SNTG2: variants seen among roughly 807,000 people sequenced by gnomAD.
SNTG2 encodes the protein gamma-2-syntrophin.
Under a neutral mutation model 70.9 loss-of-function variants are expected in SNTG2, and 74 were observed. The ratio of observed to expected loss-of-function variants is 1.04; its 90% CI spans 0.86 to 1.27. The LOEUF is 1.27. SNTG2 is among the 50% of genes most tolerant of loss of function. The probability of loss-of-function intolerance (pLI) is 0.00; values close to 1 mark genes in which losing one functional copy is unlikely to be tolerated. For synonymous variants in SNTG2, 278 were observed against 273.8 expected, an observed-to-expected ratio of 1.02 and a Z score of -0.15; for missense variants, 717 against 690.7, an observed-to-expected ratio of 1.04 and a Z score of -0.43.
intron 2 of SNTG2, among the ~76,000 whole-genome samples, chr2:1,096,947 C>T (rs1665429896): frequency 6.6e-6 from 1 of 152,086 alleles, no homozygotes; most frequent in Non-Finnish European, 1.5e-5. Flanking sequence ...CAGTCTAACA[C>T]CAAGAAAAAG....
chr2:1,144,963 C>T (rs968589486), intron 6 of SNTG2, among the ~76,000 whole-genome samples: 1 of 152,130 alleles, frequency 6.6e-6, no homozygotes, highest in African/African-American at 2.4e-5. Context: ...AAACAGTACG[C>T]TTCTAAATAA....
At chr2:1,103,261 A>T (rs1665899101) in intron 4 of SNTG2, 2 of 218,442 alleles carry the variant, frequency 9.2e-6, no homozygotes, top group Non-Finnish European at 1.9e-5. Context: ...TTTAATGGGA[A>T]ATTTGTTAAT....
rs1192794057 is a variant in SNTG2 at position 1,106,386 on chromosome 2, G to A, written c.325+7976G>A. ...GGAGAGCTCCTTGGTAATAGTGGAT[G>A]CGTGCTGTCACTCGGGTGCAGGGTG... is the stretch of plus-strand genomic sequence containing the variant. On this transcript the variant is annotated intron_variant, in intron 4 of 16. Transcript: ENST00000308624. Among the ~76,000 whole-genome samples, 12 of 113,714 alleles carry A rather than the reference G, an allele frequency of 1.1e-4. 1 individual carries two copies. The highest frequency in any genetic ancestry group is 3.5e-4 in the African/African-American group (10 of 28,924). The allele number at this position is 113,714 out of a possible 152,430, so 74.6% of individuals were successfully genotyped here. A position where few individuals can be genotyped will look rare whatever the true frequency, so the allele number is the denominator to read the frequency against.
At chr2:997,209 A>C (rs2147984034) in intron 1 of SNTG2, among the ~76,000 whole-genome samples, 1 of 152,330 alleles carries the variant, frequency 6.6e-6, no homozygotes, top group African/African-American at 2.4e-5. Flanking sequence ...GAGAACATGT[A>C]CTGGGGGCGT....
At chr2:1,288,498 TCA>T (rs56238543) in intron 14 of SNTG2, among the ~76,000 whole-genome samples, 47,989 of 151,846 alleles carry the variant, frequency 0.32, 8,166 homozygotes, top group Middle Eastern at 0.46. Flanking sequence ...ACCCACGCAT[TCA>T]CACACAGAGG....
At chr2:1,115,075 T>C (rs1447118693) in intron 4 of SNTG2, among the ~76,000 whole-genome samples, 2 of 151,594 alleles carry the variant, frequency 1.3e-5, no homozygotes, top group African/African-American at 4.9e-5. Flanking sequence ...GTGTACTAAG[T>C]GGGGTTTAAC....
At chr2:973,892 T>A (rs1660827454) in intron 1 of SNTG2, among the ~76,000 whole-genome samples, 1 of 152,148 alleles carries the variant, frequency 6.6e-6, no homozygotes, top group African/African-American at 2.4e-5. Flanking sequence ...TTTTCAGCTT[T>A]TTTTGCTCAG....
intron 4 of SNTG2, among the ~76,000 whole-genome samples, chr2:1,136,139 C>T (rs1179297594): frequency 1.3e-5 from 2 of 152,116 alleles, no homozygotes; most frequent in African/African-American, 2.4e-5. Flanking sequence ...TCTGTGTGTA[C>T]TTTCTTCTGT....
intron 4 of SNTG2, among the ~76,000 whole-genome samples, chr2:1,114,770 T>G (rs1666820938): frequency 6.6e-6 from 1 of 152,022 alleles, no homozygotes; most frequent in Admixed American, 6.6e-5. Flanking sequence ...TATACTCCTT[T>G]GAGAAGGATC....
At chr2:1,320,819 A>C (rs1411427923) in intron 16 of SNTG2, among the ~76,000 whole-genome samples, 1 of 152,206 alleles carries the variant, frequency 6.6e-6, no homozygotes, top group African/African-American at 2.4e-5. Flanking sequence ...CGCTCACTGC[A>C]CAGGGGAAGC....
intron 2 of SNTG2, among the ~76,000 whole-genome samples, chr2:1,094,958 T>C (rs1408426041): frequency 6.8e-6 from 1 of 146,846 alleles, no homozygotes; most frequent in Non-Finnish European, 1.5e-5. Context: ...CTTATAGGTG[T>C]GTCCTCATAT....
intron 16 of SNTG2, among the ~76,000 whole-genome samples, chr2:1,334,795 A>G (rs758787516): frequency 1.3e-5 from 2 of 152,104 alleles, no homozygotes; most frequent in African/African-American, 2.4e-5. Flanking sequence ...GGGGGGAAGG[A>G]TGGGAGGGGA....
chr2:1,122,877 A>G lies in SNTG2; in HGVS notation c.326-14745A>G, dbSNP rs377241267. On this transcript the variant is annotated intron_variant, in intron 4 of 16. Coordinates refer to ENST00000308624, the MANE Select transcript of SNTG2 (RefSeq NM_018968.4). ...AGTAAAGTTTCAGGATATGAAATTC[A>G]TATGCAAAAATTAATAGCATTGTCA... is the stretch of plus-strand genomic sequence containing the variant. Among the ~76,000 whole-genome samples the G allele has an allele frequency of 3.7e-4, 56 of 152,252 alleles. No individual in the cohort carries two copies. The South Asian group carries it at 0.011, about 30-fold the overall frequency.
At chr2:1,254,302 C>T (rs772907963) in intron 12 of SNTG2, among the ~76,000 whole-genome samples, 22 of 152,134 alleles carry the variant, frequency 1.4e-4, no homozygotes, top group African/African-American at 3.1e-4. Context: ...AGATTAAAGC[C>T]GGGACTCTCA....
chr2:1,092,752 ATAAGT>A (rs1292439320), intron 2 of SNTG2, among the ~76,000 whole-genome samples: 1 of 152,212 alleles, frequency 6.6e-6, no homozygotes, highest in East Asian at 1.9e-4. Context: ...TGTATAATTG[ATAAGT>A]TATCTATGTC....
At chr2:1,144,848 G>A (rs1668996642) in intron 6 of SNTG2, among the ~76,000 whole-genome samples, 1 of 152,152 alleles carries the variant, frequency 6.6e-6, no homozygotes, top group Non-Finnish European at 1.5e-5. Context: ...TGGGGACACA[G>A]CCAAACCATA....
intron 1 of SNTG2, among the ~76,000 whole-genome samples, chr2:1,010,138 T>C (rs1659688509): frequency 6.6e-6 from 1 of 151,814 alleles, no homozygotes; most frequent in Admixed American, 6.6e-5. Context: ...ATGGAGCTTA[T>C]GAGATGTCAG....
intron 1 of SNTG2, among the ~76,000 whole-genome samples, chr2:986,561 C>T (rs574122757): frequency 6.6e-6 from 1 of 152,350 alleles, no homozygotes; most frequent in East Asian, 1.9e-4. Flanking sequence ...CTGGACAGCT[C>T]AGGATCCCCT....
chr2:1,211,607 A>C (rs140679822), intron 9 of SNTG2, among the ~76,000 whole-genome samples: 1 of 152,316 alleles, frequency 6.6e-6, no homozygotes, highest in African/African-American at 2.4e-5. Flanking sequence ...AAGGCAAAGG[A>C]GGAGCAAAGG....
Sources: allele counts gnomAD v4.1 joint callset (sites outside exome capture counted in the v4.1 genomes callset), GRCh38; gene constraint gnomAD v4.1.1; transcripts MANE v1.5; gene names NCBI Gene and HGNC (gene_info 2026-07-23, HGNC 2026-07-21).